CNST: variants seen among roughly 807,000 people sequenced by gnomAD.
CNST encodes the protein consortin, connexin sorting protein.
In CNST, 39 loss-of-function variants were observed where a neutral mutation model predicts 72.4. The ratio of observed to expected loss-of-function variants is 0.54; its 90% confidence interval spans 0.42 to 0.70. The LOEUF (loss-of-function observed/expected upper bound fraction) is 0.70, where lower values mean the gene tolerates loss of function less well. CNST is among the 30% of genes least tolerant of loss of function. The probability of loss-of-function intolerance (pLI) is 0.00; values close to 1 mark genes in which losing one functional copy is unlikely to be tolerated. For missense variants in CNST, 871 were observed against 868.5 expected (o/e 1.00, Z -0.04); for synonymous variants, 332 against 320.1 (o/e 1.04, Z -0.40).
chr1:246,590,569 G>C (rs1175447943), intron 1 of CNST, among the ~76,000 whole-genome samples: 10 of 152,034 alleles, frequency 6.6e-5, no homozygotes, highest in Admixed American at 6.6e-4. Context: ...TGGTTTTAGA[G>C]ACTGTACTTT....
chr1:246,642,145 T>G lies in CNST; in HGVS notation c.937+108T>G, dbSNP rs1427390716. On this transcript the variant is annotated intron_variant, in intron 8 of 10. Transcript: ENST00000366513. ...TGCAAAGGATCTGGTTTTTTTTTTT[T>G]TTTTTTTTTGCACTTACATTTTTGT... 9.6e-6 allele frequency: 6 copies of G among 624,606 alleles called. No homozygotes were observed. In the East Asian group the frequency reaches 1.3e-4, roughly 14 times the overall value. 38.7% of individuals were successfully genotyped at this position (624,606 alleles called of 1,614,324 possible).
At chr1:246,633,491 C>G (rs1407153401) in intron 4 of CNST, among the ~76,000 whole-genome samples, 2 of 151,464 alleles carry the variant, frequency 1.3e-5, no homozygotes, top group African/African-American at 4.9e-5. Context: ...GCCTGTAATC[C>G]CAGCACTTTG....
rs79219807 is a variant in CNST, at chr1:246,610,810, G to A, written c.380-10619G>A. Among the ~76,000 whole-genome samples, 49 of 152,024 alleles carry A rather than the reference G, an allele frequency of 3.2e-4. No homozygotes were observed. The East Asian group carries it at 6.0e-3, about 19-fold the overall frequency. On this transcript the variant is annotated intron_variant, in intron 2 of 10. Coordinates refer to ENST00000366513, the MANE Select transcript of CNST (RefSeq NM_152609.3). The stretch of plus-strand genomic sequence containing the variant: ...CGTGCGTCGTGTCCTGAGCTGTCGC[G>A]TGTAGCTTTCTGAATTCTACAGTAC...
intron 2 of CNST, among the ~76,000 whole-genome samples, chr1:246,598,925 G>T (rs150040895): frequency 1.3e-4 from 20 of 152,206 alleles, no homozygotes; most frequent in African/African-American, 4.8e-4. Flanking sequence ...CAGAAGTCCT[G>T]GTTTACCTTA....
chr1:246,572,353 T>C (rs924517669), intron 1 of CNST, among the ~76,000 whole-genome samples: 12 of 152,274 alleles, frequency 7.9e-5, no homozygotes, highest in African/African-American at 2.7e-4. Flanking sequence ...GAGTATTTGA[T>C]AGTATACTGC....
chr1:246,651,610 A>T (rs1666451249), intron 9 of CNST, among the ~76,000 whole-genome samples: 1 of 152,194 alleles, frequency 6.6e-6, no homozygotes, highest in African/African-American at 2.4e-5. Flanking sequence ...GAGAACTAAA[A>T]ATGTCTATAC....
chr1:246,593,542 C>T (rs1367648587), intron 2 of CNST, among the ~76,000 whole-genome samples: 1 of 152,116 alleles, frequency 6.6e-6, no homozygotes, highest in Non-Finnish European at 1.5e-5. Flanking sequence ...CAAGGTTTCA[C>T]CATGTTGGCC....
chr1:246,655,891 C>T (rs191347233), intron 9 of CNST, among the ~76,000 whole-genome samples: 6 of 152,154 alleles, frequency 3.9e-5, no homozygotes, highest in African/African-American at 1.2e-4. Context: ...ATGTAAATAT[C>T]GTTACATAAA....
intron 2 of CNST, among the ~76,000 whole-genome samples, chr1:246,598,836 AT>A (rs1662064457): frequency 6.6e-6 from 1 of 152,168 alleles, no homozygotes; most frequent in African/African-American, 2.4e-5. Context: ...ATGTTTTGTG[AT>A]TGTAACCCAT....
At chr1:246,628,157 A>T (rs1334539842) in intron 3 of CNST, among the ~76,000 whole-genome samples, 1 of 152,082 alleles carries the variant, frequency 6.6e-6, no homozygotes, top group Admixed American at 6.6e-5. Flanking sequence ...CTGGCAGCTG[A>T]TTAGATGGTG....
intron 1 of CNST, among the ~76,000 whole-genome samples, chr1:246,577,538 A>T (rs1660508891): frequency 6.6e-6 from 1 of 152,092 alleles, no homozygotes; most frequent in Non-Finnish European, 1.5e-5. Context: ...TAAAACAATG[A>T]GTTTTAAAAA....
Position 246,582,831 on chromosome 1 carries a change from G to A in CNST, c.-51-8681G>A, listed in dbSNP as rs147695320. Among the ~76,000 whole-genome samples, 672 of 152,326 alleles carry A rather than the reference G, an allele frequency of 4.4e-3. 3 individuals are homozygous for A. Among genetic ancestry groups the A allele is most frequent in the African/African-American group, 7.8e-3 (323 of 41,562 alleles). ...AATGGAGGGAACACACCATCTCAGAGCTGGGTTACAATGTCCTCTTGTCCA... is the reference window on the plus strand; with the variant it reads ...AATGGAGGGAACACACCATCTCAGAACTGGGTTACAATGTCCTCTTGTCCA... On this transcript the variant is annotated intron_variant, in intron 1 of 10. Coordinates refer to ENST00000366513, the MANE Select transcript of CNST (RefSeq NM_152609.3).
chr1:246,665,652 A>T (rs371821334), intron 10 of CNST, 48 bp from the exon 11 acceptor site: 2 of 1,492,606 alleles, frequency 1.3e-6, no homozygotes, highest in Non-Finnish European at 1.9e-6. Flanking sequence ...AGATGCTAAG[A>T]TTTCCATTTC....
At chr1:246,639,814 G>A (rs1665560958) in intron 6 of CNST, among the ~76,000 whole-genome samples, 3 of 152,188 alleles carry the variant, frequency 2.0e-5, no homozygotes, top group Non-Finnish European at 2.9e-5. Context: ...GGGTATAGAC[G>A]GGCTGAGGCC....
At chr1:246,573,203 A>G (rs1243933150) in intron 1 of CNST, among the ~76,000 whole-genome samples, 1 of 152,178 alleles carries the variant, frequency 6.6e-6, no homozygotes, top group Non-Finnish European at 1.5e-5. Context: ...TTTGTTGTGG[A>G]GTTCTTCGGC....
intron 2 of CNST, among the ~76,000 whole-genome samples, chr1:246,617,004 A>G (rs1302482516): frequency 6.6e-6 from 1 of 152,190 alleles, no homozygotes; most frequent in South Asian, 2.1e-4. Context: ...AGTATATTAT[A>G]AAGACACACA....
intron 2 of CNST, among the ~76,000 whole-genome samples, chr1:246,612,015 A>G (rs1296665157): frequency 2.6e-5 from 4 of 152,256 alleles, no homozygotes; most frequent in African/African-American, 2.4e-5. Context: ...CAAATATTTT[A>G]TGATTCCACT....
chr1:246,633,844 C>A, intron 4 of CNST, 80 bp from the exon 5 acceptor site: 1 of 876,020 alleles, frequency 1.1e-6, no homozygotes, highest in Non-Finnish European at 1.8e-6. Flanking sequence ...AATTTCTCAA[C>A]ATCTATAGGA....
intron 3 of CNST, among the ~76,000 whole-genome samples, chr1:246,625,237 G>A (rs1167069617): frequency 6.6e-6 from 1 of 152,014 alleles, no homozygotes; most frequent in East Asian, 1.9e-4. Context: ...AGTGCAGGAT[G>A]GCATATTGCA....
Sources: allele counts gnomAD v4.1 joint callset (sites outside exome capture counted in the v4.1 genomes callset), GRCh38; gene constraint gnomAD v4.1.1; transcripts MANE v1.5; gene names NCBI Gene and HGNC (gene_info 2026-07-23, HGNC 2026-07-21).